Variants in SHROOM3 observed in about 807,000 individuals in gnomAD.
SHROOM3 encodes the protein protein Shroom3.
A neutral mutation model predicts 138.6 loss-of-function variants in SHROOM3; 47 were observed. That is an observed-to-expected ratio of 0.34 (90% CI 0.27 to 0.43). The LOEUF (loss-of-function observed/expected upper bound fraction) is 0.43, where lower values mean the gene tolerates loss of function less well. Among genes scored for constraint, SHROOM3 ranks in the 20% least tolerant of loss-of-function variants. SHROOM3 has a pLI of 1.00. For missense variants in SHROOM3, 2,491 were observed against 2,596.5 expected, an observed-to-expected ratio of 0.96 and a Z score of 0.88; for synonymous variants, 1,062 against 1,063.3, an observed-to-expected ratio of 1.00 and a Z score of 0.02.
intron 2 of SHROOM3, among the ~76,000 whole-genome samples, chr4:76,674,963 C>T (rs566897462): frequency 1.2e-4 from 19 of 152,116 alleles, no homozygotes; most frequent in Non-Finnish European, 2.1e-4. Context: ...GGGTTCATAC[C>T]GGCTGCCAGG....
At chr4:76,679,156 A>C (rs1174976482) in intron 2 of SHROOM3, among the ~76,000 whole-genome samples, 4 of 152,176 alleles carry the variant, frequency 2.6e-5, no homozygotes, top group Non-Finnish European at 5.9e-5. Context: ...CATTTGTTCA[A>C]CTTGCATGCC....
intron 2 of SHROOM3, among the ~76,000 whole-genome samples, chr4:76,687,765 C>CTGT (rs1425909776): frequency 1.3e-5 from 2 of 152,232 alleles, no homozygotes; most frequent in African/African-American, 2.4e-5. Context: ...AACATCCATG[C>CTGT]TGTGTGGGAG....
intron 2 of SHROOM3, among the ~76,000 whole-genome samples, chr4:76,580,506 G>GT (rs1163285713): frequency 7.4e-6 from 1 of 134,280 alleles, no homozygotes; most frequent in Non-Finnish European, 1.5e-5. Flanking sequence ...AGGCTGGAGT[G>GT]TAACGGCGTG....
chr4:76,626,586 T>A (rs912568468), intron 2 of SHROOM3, among the ~76,000 whole-genome samples: 76 of 152,206 alleles, frequency 5.0e-4, no homozygotes, highest in Admixed American at 4.8e-3. Context: ...ATGGGTAGAA[T>A]TACCTGAAGT....
At chr4:76,667,761 G>A (rs987867256) in intron 2 of SHROOM3, among the ~76,000 whole-genome samples, 8 of 151,360 alleles carry the variant, frequency 5.3e-5, no homozygotes, top group African/African-American at 1.9e-4. Context: ...GAGGTCAGGA[G>A]ATCGAGACCT....
At chr4:76,703,594 A>G (rs114917848) in intron 2 of SHROOM3, among the ~76,000 whole-genome samples, 1,991 of 152,266 alleles carry the variant, frequency 0.013, 26 homozygotes, top group Non-Finnish European at 0.021. Context: ...CCTCCTGGAG[A>G]CTCAAGAGAA....
At chr4:76,714,479 G>A (rs1240873772) in intron 3 of SHROOM3, among the ~76,000 whole-genome samples, 1 of 152,144 alleles carries the variant, frequency 6.6e-6, no homozygotes, top group Non-Finnish European at 1.5e-5. Flanking sequence ...TCTCATATAA[G>A]GGTTACATGA....
intron 1 of SHROOM3, among the ~76,000 whole-genome samples, chr4:76,536,006 C>A (rs2110018028): frequency 6.6e-6 from 1 of 152,316 alleles, no homozygotes; most frequent in East Asian, 1.9e-4. Flanking sequence ...GGGATCCAGA[C>A]CCAGCGCTTT....
At chr4:76,763,542 G>C (rs2110150321) in intron 9 of SHROOM3, among the ~76,000 whole-genome samples, 1 of 152,222 alleles carries the variant, frequency 6.6e-6, no homozygotes, top group African/African-American at 2.4e-5. Flanking sequence ...TCCAGCCTGA[G>C]TGACAGAGTG....
chr4:76,482,858 C>T (rs1189796621), intron 1 of SHROOM3, among the ~76,000 whole-genome samples: 2 of 152,118 alleles, frequency 1.3e-5, no homozygotes, highest in African/African-American at 4.8e-5. Context: ...CATCCACAAC[C>T]ATCTGATCTT....
At chr4:76,486,815 C>T (rs1560521363) in intron 1 of SHROOM3, among the ~76,000 whole-genome samples, 1 of 152,044 alleles carries the variant, frequency 6.6e-6, no homozygotes, top group African/African-American at 2.4e-5. Flanking sequence ...GGACAAAGGT[C>T]TACTGTGTAT....
At chr4:76,479,364 G>C (rs182629803) in intron 1 of SHROOM3, among the ~76,000 whole-genome samples, 1 of 151,756 alleles carries the variant, frequency 6.6e-6, no homozygotes, top group African/African-American at 2.4e-5. Flanking sequence ...AATCCATCAA[G>C]CAGAAGAAAG....
intron 2 of SHROOM3, among the ~76,000 whole-genome samples, chr4:76,693,797 G>A (rs1207316246): frequency 1.3e-5 from 2 of 149,014 alleles, no homozygotes; most frequent in Non-Finnish European, 2.9e-5. Flanking sequence ...TCCAAAGAGA[G>A]GAACTACGCA....
At chr4:76,701,185 G>T (rs1719893811) in intron 2 of SHROOM3, among the ~76,000 whole-genome samples, 1 of 152,186 alleles carries the variant, frequency 6.6e-6, no homozygotes, top group Non-Finnish European at 1.5e-5. Flanking sequence ...GTCAGGGGTA[G>T]GGACTTCATC....
intron 1 of SHROOM3, among the ~76,000 whole-genome samples, chr4:76,481,083 A>G (rs547113051): frequency 3.9e-5 from 6 of 152,312 alleles, no homozygotes; most frequent in African/African-American, 1.2e-4. Flanking sequence ...CTAGAGAAGC[A>G]AGAGCAAACA....
intron 1 of SHROOM3, among the ~76,000 whole-genome samples, chr4:76,492,453 G>T (rs951101194): frequency 4.6e-5 from 7 of 152,110 alleles, no homozygotes; most frequent in Non-Finnish European, 8.8e-5. Flanking sequence ...AACTTTCTTT[G>T]TCATGTTCTT....
At chr4:76,635,434 G>C (rs1032798374) in intron 2 of SHROOM3, among the ~76,000 whole-genome samples, 1 of 152,184 alleles carries the variant, frequency 6.6e-6, no homozygotes, top group African/African-American at 2.4e-5. Context: ...CCAAAAAACA[G>C]TGTCTTCTAA....
chr4:76,701,113 A>G (rs1323639371), intron 2 of SHROOM3, among the ~76,000 whole-genome samples: 1 of 152,170 alleles, frequency 6.6e-6, no homozygotes, highest in East Asian at 1.9e-4. Context: ...TATATCCTGC[A>G]TCATTTCAGC....
chr4:76,735,809 C>A (rs1471508946), intron 4 of SHROOM3, among the ~76,000 whole-genome samples: 1 of 132,938 alleles, frequency 7.5e-6, no homozygotes, highest in Admixed American at 8.0e-5. Context: ...CACTGCACTC[C>A]GTCCTGGGCG....
Sources: gnomAD v4.1 joint callset for allele counts (sites outside exome capture counted in the v4.1 genomes callset) on GRCh38, gnomAD v4.1.1 for gene constraint, MANE v1.5 for transcripts, NCBI Gene and HGNC (gene_info 2026-07-23, HGNC 2026-07-21) for gene names.